The following ABI1 variants were observed in gnomAD, a reference collection of about 807,000 sequenced individuals.
ABI1 encodes the protein abl interactor 1.
In ABI1, 14 loss-of-function variants were observed where a neutral mutation model predicts 54.6. The observed-to-expected ratio is 0.26, with a 90% CI of 0.17 to 0.40. ABI1 has a LOEUF of 0.40. Among genes scored for constraint, ABI1 ranks in the 10% least tolerant of loss-of-function variants. The pLI, the probability that ABI1 is intolerant of heterozygous loss-of-function variation, is 1.00. For synonymous variants in ABI1, 194 were observed against 209.3 expected (o/e 0.93, Z 0.63); for missense variants, 443 against 598.3 (o/e 0.74, Z 2.71).
At chr10:26,821,243 T>TAAAAA (rs34139312) in intron 2 of ABI1, among the ~76,000 whole-genome samples, 1 of 114,898 alleles carries the variant, frequency 8.7e-6, no homozygotes, top group Non-Finnish European at 1.7e-5. Flanking sequence ...AGACTCCATC[T>TAAAAA]AAAAAAAAAA....
rs1330105953 is a variant in ABI1 at position 26,751,797 on chromosome 10, T to C, written c.1085-14A>G. 2 of 1,587,098 alleles carry C rather than the reference T, an allele frequency of 1.3e-6. No individual in the cohort carries two copies. The highest frequency in any genetic ancestry group is 1.8e-4 in the Middle Eastern group (1 of 5,480). On this transcript the variant is annotated splice_polypyrimidine_tract_variant and intron_variant, in intron 9 of 10. Transcript: ENST00000376140. ...GACTATCAGCAACTAAAAAGATTCA[T>C]ATGATTGATTTGAATCAAAAATAAG... is the stretch of plus-strand genomic sequence containing the variant.
intron 1 of ABI1, among the ~76,000 whole-genome samples, chr10:26,838,249 C>A (rs2049233720): frequency 6.6e-6 from 1 of 151,902 alleles, no homozygotes; most frequent in Admixed American, 6.6e-5. Context: ...GTCTGGAACT[C>A]CTGACCTCGT....
intron 1 of ABI1, among the ~76,000 whole-genome samples, chr10:26,824,651 T>G (rs1049173637): frequency 1.3e-5 from 2 of 152,000 alleles, no homozygotes; most frequent in African/African-American, 4.8e-5. Context: ...ATATGCTACT[T>G]CTTAACAGAG....
intron 1 of ABI1, among the ~76,000 whole-genome samples, chr10:26,830,176 G>T (rs1050334212): frequency 2.0e-5 from 3 of 152,178 alleles, no homozygotes; most frequent in African/African-American, 7.2e-5. Context: ...CCATTTATCA[G>T]CTGATGGACA....
intron 2 of ABI1, among the ~76,000 whole-genome samples, chr10:26,816,268 T>G (rs779429222): frequency 6.6e-6 from 1 of 152,204 alleles, no homozygotes; most frequent in Admixed American, 6.5e-5. Context: ...TCGAATTGAA[T>G]GTAAATGGGA....
At chr10:26,769,851 C>T (rs1420538432) in intron 5 of ABI1, among the ~76,000 whole-genome samples, 1 of 152,148 alleles carries the variant, frequency 6.6e-6, no homozygotes, top group Non-Finnish European at 1.5e-5. Context: ...GAGCTGTGGA[C>T]TAAGCCATAC....
chr10:26,780,790 G>C lies in ABI1; in HGVS notation c.286-3549C>G, dbSNP rs184771251. On this transcript the variant is annotated intron_variant, in intron 2 of 10. Coordinates refer to ENST00000376140, the MANE Select transcript of ABI1 (RefSeq NM_001012750.3). ...GGCTCTGTTGGATACAGGAGCCCAA[G>C]GCACCTTCATACCCATCCTGTGGAA... Among the ~76,000 whole-genome samples the C allele has an allele frequency of 3.1e-3, 473 of 152,214 alleles. 2 individuals carry two copies. The highest frequency in any genetic ancestry group is 6.2e-3 in the Admixed American group (94 of 15,284).
In ABI1 at chr10:26,765,309, A is replaced by T; in HGVS notation, c.729T>A (p.Ser243Arg). The change falls in exon 7 of 11, where the codon AGT becomes AGA. Residue 243 changes from serine (S) to arginine (R), a missense_variant. By Grantham distance (110) the Ser-to-Arg change is moderately radical. Around this residue, in one of 2 missense-constraint regions of ABI1, gnomAD observed 394 missense variants for 484.8 expected, o/e 0.81. Transcript: ENST00000376140. ...NQRPRTHSGS[S>R]GGSGSRENSG... ...TGTTTTCTCGACTTCCACTTCCTCC[A>T]CTACTTCCACTGAAAAGAAAAAAAA... The T allele has an allele frequency of 6.3e-7, 1 of 1,580,870 alleles. No homozygotes were observed. Among genetic ancestry groups the T allele is most frequent in the Admixed American group, 2.0e-5 (1 of 49,520 alleles).
intron 1 of ABI1, among the ~76,000 whole-genome samples, chr10:26,835,775 A>ATTTTT (rs201793179): frequency 8.9e-6 from 1 of 112,518 alleles, no homozygotes; most frequent in Non-Finnish European, 1.7e-5. Flanking sequence ...ATTTTTACTA[A>ATTTTT]TATTTTTTTT....
At chr10:26,839,253 T>C (rs1367766783) in intron 1 of ABI1, among the ~76,000 whole-genome samples, 1 of 152,136 alleles carries the variant, frequency 6.6e-6, no homozygotes, top group East Asian at 1.9e-4. Context: ...TCCCAGCACT[T>C]TGGGAAGCTG....
chr10:26,848,112 T>G (rs1002486540), intron 1 of ABI1, among the ~76,000 whole-genome samples: 2 of 148,818 alleles, frequency 1.3e-5, no homozygotes, highest in African/African-American at 5.0e-5. Flanking sequence ...GGTGGGAGGA[T>G]GACCTGAGCC....
In ABI1 at chr10:26,834,545, C is replaced by CAA. The variant is rs1404426478; in HGVS notation, c.118-11242_118-11241dup. 3.8e-3 allele frequency among the ~76,000 whole-genome samples: 410 copies of CAA among 107,880 alleles called. 5 individuals carry two copies. The highest frequency in any genetic ancestry group is 0.014 in the African/African-American group (375 of 27,670). 70.8% of individuals were successfully genotyped at this position (107,880 alleles called of 152,430 possible). On this transcript the variant is annotated intron_variant, in intron 1 of 10. Transcript: ENST00000376140. ...CTGGACAGATACTTCTCAAGACATA[C>CAA]AAAACACACACACACACACACACAC...
At chr10:26,803,726 G>C (rs1383477404) in intron 2 of ABI1, among the ~76,000 whole-genome samples, 2 of 152,022 alleles carry the variant, frequency 1.3e-5, no homozygotes, top group Non-Finnish European at 2.9e-5. Context: ...AATTGACATC[G>C]TGCCCTATTT....
chr10:26,790,005 C>T (rs1429423269), intron 2 of ABI1, among the ~76,000 whole-genome samples: 2 of 152,150 alleles, frequency 1.3e-5, no homozygotes, highest in African/African-American at 2.4e-5. Context: ...TGTATACGTA[C>T]CACACATTTT....
chr10:26,799,665 A>C, intron 2 of ABI1, among the ~76,000 whole-genome samples: 1 of 152,246 alleles, frequency 6.6e-6, no homozygotes, highest in East Asian at 1.9e-4. Flanking sequence ...TTAACCAAGA[A>C]GGCTATTTTA....
chr10:26,793,272 G>A (rs546349105), intron 2 of ABI1, among the ~76,000 whole-genome samples: 1 of 152,188 alleles, frequency 6.6e-6, no homozygotes, highest in Non-Finnish European at 1.5e-5. Context: ...GACAATCTTT[G>A]TCTGTTATTG....
At chr10:26,814,997 T>C (rs941428597) in intron 2 of ABI1, among the ~76,000 whole-genome samples, 1 of 152,082 alleles carries the variant, frequency 6.6e-6, no homozygotes, top group African/African-American at 2.4e-5. Flanking sequence ...CTATGCTGTA[T>C]TAAGAGATTA....
chr10:26,805,927 A>C (rs1373751284), intron 2 of ABI1, among the ~76,000 whole-genome samples: 2 of 152,228 alleles, frequency 1.3e-5, no homozygotes, highest in Non-Finnish European at 2.9e-5. Context: ...TATAATTTAG[A>C]ACTTTAGGTT....
At position 26,832,416 on chromosome 10, in the gene ABI1, A is replaced by G. The variant is rs1319311492; in HGVS notation, c.118-9111T>C. Among the ~76,000 whole-genome samples the G allele has an allele frequency of 2.0e-5, 3 of 151,612 alleles. No individual in the cohort carries two copies. In the East Asian group the frequency reaches 5.8e-4, roughly 29 times the overall value. On this transcript the variant is annotated intron_variant, in intron 1 of 10. Coordinates refer to ENST00000376140, the MANE Select transcript of ABI1 (RefSeq NM_001012750.3). ...GCTAACACAATGAAACCCTATCTCT[A>G]TTAAAAAATACAAAAAAATTAGCTG...
Sources: allele counts gnomAD v4.1 joint callset (sites outside exome capture counted in the v4.1 genomes callset), GRCh38; gene constraint gnomAD v4.1.1; regional missense constraint gnomAD v4.1.1; transcripts MANE v1.5; gene names NCBI Gene and HGNC (gene_info 2026-07-23, HGNC 2026-07-21).